UBE3D: variants seen among roughly 807,000 people sequenced by gnomAD.
UBE3D encodes E3 ubiquitin-protein ligase E3D.
UBE3D carries 48 observed loss-of-function variants against 49.6 expected under a neutral mutation model. The observed-to-expected ratio is 0.97, with a 90% CI of 0.77 to 1.23. The LOEUF is 1.23. Among genes scored for constraint, UBE3D ranks in the 50% most tolerant of loss-of-function variants. The pLI, the probability that UBE3D is intolerant of heterozygous loss-of-function variation, is 0.00. For missense variants in UBE3D, 452 were observed against 468.4 expected, an observed-to-expected ratio of 0.96 and a Z score of 0.32; for synonymous variants, 189 against 174.2, an observed-to-expected ratio of 1.08 and a Z score of -0.67.
intron 9 of UBE3D, among the ~76,000 whole-genome samples, chr6:82,905,212 G>T (rs1772013303): frequency 6.6e-6 from 1 of 152,110 alleles, no homozygotes; most frequent in Admixed American, 6.6e-5. Flanking sequence ...CAAATTGAAG[G>T]TTTGCAGTAA....
chr6:82,997,165 A>C (rs1262224539), intron 8 of UBE3D, among the ~76,000 whole-genome samples: 6 of 152,330 alleles, frequency 3.9e-5, no homozygotes, highest in African/African-American at 7.2e-5. Flanking sequence ...CCCAAGAACA[A>C]CACCACCACT....
chr6:82,956,420 C>T (rs1776160609), intron 9 of UBE3D, among the ~76,000 whole-genome samples: 2 of 152,100 alleles, frequency 1.3e-5, no homozygotes, highest in Non-Finnish European at 2.9e-5. Flanking sequence ...GGGGGTCTTC[C>T]TGTTGGTCAT....
chr6:83,061,413 T>C (rs555035344), intron 1 of UBE3D, among the ~76,000 whole-genome samples: 7 of 152,370 alleles, frequency 4.6e-5, no homozygotes, highest in Admixed American at 3.3e-4. Context: ...TTGTGAGTGT[T>C]GGATGATGGT....
At chr6:83,013,568 G>A (rs1390635374) in intron 8 of UBE3D, among the ~76,000 whole-genome samples, 1 of 152,200 alleles carries the variant, frequency 6.6e-6, no homozygotes, top group Non-Finnish European at 1.5e-5. Context: ...ATGGGCCAGA[G>A]TAACACACCC....
At chr6:83,002,793 G>T (rs1294307285) in intron 8 of UBE3D, among the ~76,000 whole-genome samples, 1 of 152,206 alleles carries the variant, frequency 6.6e-6, no homozygotes, top group South Asian at 2.1e-4. Flanking sequence ...AGCAGACATG[G>T]GGCCCTCACC....
intron 9 of UBE3D, among the ~76,000 whole-genome samples, chr6:82,943,181 C>T (rs1169273993): frequency 2.6e-5 from 4 of 152,194 alleles, no homozygotes; most frequent in Admixed American, 1.3e-4. Flanking sequence ...TTGTTTTGGC[C>T]AATTTCTCCC....
chr6:83,052,861 A>C (rs1343854751), intron 3 of UBE3D, among the ~76,000 whole-genome samples: 1 of 152,228 alleles, frequency 6.6e-6, no homozygotes, highest in Non-Finnish European at 1.5e-5. Context: ...TGAGAGGACA[A>C]AACTACAGGG....
intron 5 of UBE3D, among the ~76,000 whole-genome samples, chr6:83,027,243 C>T (rs2127782782): frequency 6.6e-6 from 1 of 151,680 alleles, no homozygotes; most frequent in Middle Eastern, 3.4e-3. Flanking sequence ...CAAGACCAGC[C>T]TGGCCAACAT....
intron 8 of UBE3D, among the ~76,000 whole-genome samples, chr6:82,973,591 A>C (rs1777505433): frequency 6.6e-6 from 1 of 152,276 alleles, no homozygotes; most frequent in East Asian, 1.9e-4. Flanking sequence ...TTGTCACCAC[A>C]CCCTTAAAAT....
intron 9 of UBE3D, among the ~76,000 whole-genome samples, chr6:82,909,768 G>A (rs769113850): frequency 6.6e-6 from 1 of 152,138 alleles, no homozygotes; most frequent in Non-Finnish European, 1.5e-5. Flanking sequence ...CGAGGTCTAT[G>A]AGCAATGAAG....
At chr6:83,016,343 G>A (rs112854192) in intron 8 of UBE3D, among the ~76,000 whole-genome samples, 55 of 152,226 alleles carry the variant, frequency 3.6e-4, no homozygotes, top group African/African-American at 6.3e-4. Flanking sequence ...TCTCATGAGC[G>A]GTGAATCAGG....
At chr6:83,043,240 T>C (rs1218008371) in intron 4 of UBE3D, among the ~76,000 whole-genome samples, 1 of 152,202 alleles carries the variant, frequency 6.6e-6, no homozygotes, top group African/African-American at 2.4e-5. Context: ...CTTTCTCTAC[T>C]ACTTTTCTGC....
At chr6:82,903,763 G>A (rs1771903640) in intron 9 of UBE3D, among the ~76,000 whole-genome samples, 1 of 152,100 alleles carries the variant, frequency 6.6e-6, no homozygotes, top group Admixed American at 6.6e-5. Flanking sequence ...GAAATAAAGA[G>A]GGGATCGCAA....
chr6:82,933,891 G>A (rs181444914), intron 9 of UBE3D, among the ~76,000 whole-genome samples: 8 of 152,130 alleles, frequency 5.3e-5, no homozygotes, highest in Non-Finnish European at 1.0e-4. Context: ...CTAAAGCCAC[G>A]TGAGTGCCTA....
chr6:82,965,755 C>G (rs1776873265), intron 8 of UBE3D, among the ~76,000 whole-genome samples: 1 of 152,080 alleles, frequency 6.6e-6, no homozygotes, highest in Admixed American at 6.6e-5. Flanking sequence ...TGGAAAATTT[C>G]AAATACAAAT....
At chr6:82,989,956 C>T (rs982184038) in intron 8 of UBE3D, among the ~76,000 whole-genome samples, 1 of 152,166 alleles carries the variant, frequency 6.6e-6, no homozygotes, top group Non-Finnish European at 1.5e-5. Flanking sequence ...TGAACACTTG[C>T]CAAGCAAATG....
chr6:83,038,574 G>A lies in UBE3D; in HGVS notation c.598-89C>T, dbSNP rs1782434517. 6.1e-6 allele frequency: 7 copies of A among 1,143,778 alleles called. No individual in the cohort carries two copies. In the Admixed American group the frequency reaches 7.1e-5, roughly 12 times the overall value. 70.9% of individuals were successfully genotyped at this position (1,143,778 alleles called of 1,614,324 possible). ...TAACATAGTCCCCAGAGTATACATT[G>A]AACTTTACATTTTATTCTGCCCTCT... On this transcript the variant is annotated intron_variant, in intron 4 of 9. Coordinates refer to ENST00000369747, the MANE Select transcript of UBE3D (RefSeq NM_198920.3).
chr6:82,895,444 AG>A (rs1295727611), intron 9 of UBE3D, among the ~76,000 whole-genome samples: 1 of 152,138 alleles, frequency 6.6e-6, no homozygotes, highest in Non-Finnish European at 1.5e-5. Context: ...CGTAACTGGG[AG>A]GGGGTGCTAC....
chr6:83,016,706 T>A (rs1198519740), intron 8 of UBE3D, among the ~76,000 whole-genome samples: 1 of 151,550 alleles, frequency 6.6e-6, no homozygotes, highest in African/African-American at 2.4e-5. Context: ...TTCATATATA[T>A]AAAGATATGT....
Sources: gnomAD v4.1 joint callset for allele counts (sites outside exome capture counted in the v4.1 genomes callset) on GRCh38, gnomAD v4.1.1 for gene constraint, MANE v1.5 for transcripts, NCBI Gene and HGNC (gene_info 2026-07-23, HGNC 2026-07-21) for gene names.